The following ST6GALNAC3 variants were observed in gnomAD, a reference collection of about 807,000 sequenced individuals.
The protein encoded by ST6GALNAC3 is ST6 N-acetylgalactosaminide alpha-2,6-sialyltransferase 3.
Under a neutral mutation model 32.7 loss-of-function variants are expected in ST6GALNAC3, and 25 were observed. The ratio of observed to expected loss-of-function variants is 0.76; its 90% CI spans 0.56 to 1.07. ST6GALNAC3 has a LOEUF of 1.07. Ranked by LOEUF, ST6GALNAC3 falls within the 50% of genes least tolerant of loss-of-function variation. ST6GALNAC3 has a pLI of 0.00. For synonymous variants in ST6GALNAC3, 129 were observed against 133.1 expected (o/e 0.97, Z 0.21); for missense variants, 355 against 382.4 (o/e 0.93, Z 0.60).
chr1:76,169,918 C>T (rs1359415848), intron 1 of ST6GALNAC3, among the ~76,000 whole-genome samples: 1 of 152,134 alleles, frequency 6.6e-6, no homozygotes, highest in Non-Finnish European at 1.5e-5. Flanking sequence ...AATGAAAGCA[C>T]ACTGACTTTT....
chr1:76,201,398 A>G (rs1267323109), intron 1 of ST6GALNAC3, among the ~76,000 whole-genome samples: 1 of 152,200 alleles, frequency 6.6e-6, no homozygotes. Flanking sequence ...AGCATGGGAA[A>G]AATCCACCCC....
At chr1:76,573,183 G>T (rs184424235) in intron 3 of ST6GALNAC3, among the ~76,000 whole-genome samples, 1 of 152,040 alleles carries the variant, frequency 6.6e-6, no homozygotes, top group Non-Finnish European at 1.5e-5. Context: ...CATGCAAGGC[G>T]ACTGCTGATT....
At chr1:76,196,070 A>G (rs897280451) in intron 1 of ST6GALNAC3, among the ~76,000 whole-genome samples, 3 of 152,228 alleles carry the variant, frequency 2.0e-5, no homozygotes, top group African/African-American at 7.2e-5. Context: ...AAGTGGGAAT[A>G]TAAGAGTATT....
At chr1:76,319,251 G>A (rs1274742888) in intron 2 of ST6GALNAC3, among the ~76,000 whole-genome samples, 1 of 152,060 alleles carries the variant, frequency 6.6e-6, no homozygotes, top group South Asian at 2.1e-4. Flanking sequence ...AAGTGGAGAG[G>A]TGCAAGATTG....
intron 3 of ST6GALNAC3, among the ~76,000 whole-genome samples, chr1:76,520,975 C>CTT (rs66700462): frequency 1.3e-5 from 2 of 151,840 alleles, no homozygotes; most frequent in Admixed American, 1.3e-4. Context: ...CCTACCTGAT[C>CTT]TTTTTTAAAT....
At chr1:76,543,421 T>A (rs889320476) in intron 3 of ST6GALNAC3, among the ~76,000 whole-genome samples, 1 of 152,250 alleles carries the variant, frequency 6.6e-6, no homozygotes, top group Admixed American at 6.5e-5. Flanking sequence ...ATTGGGATAC[T>A]GTAGAGCCAG....
At chr1:76,312,162 AAAAC>A (rs35370534) in intron 1 of ST6GALNAC3, among the ~76,000 whole-genome samples, 64,271 of 151,700 alleles carry the variant, frequency 0.42, 13,837 homozygotes, top group Non-Finnish European at 0.45. Context: ...AAACCTGACA[AAAAC>A]AAACAATGGG....
chr1:76,109,639 GC>G (rs1169847144), intron 1 of ST6GALNAC3, among the ~76,000 whole-genome samples: 1 of 152,248 alleles, frequency 6.6e-6, no homozygotes, highest in East Asian at 1.9e-4. Flanking sequence ...CTGTTCTCAG[GC>G]TGAGCAGAGA....
At chr1:76,389,052 C>T (rs1252695970) in intron 2 of ST6GALNAC3, among the ~76,000 whole-genome samples, 1 of 137,614 alleles carries the variant, frequency 7.3e-6, no homozygotes, top group East Asian at 2.3e-4. Flanking sequence ...CCTCAGTAAC[C>T]TAGGCTGGGG....
chr1:76,609,409 A>G (rs1221282327), intron 3 of ST6GALNAC3, among the ~76,000 whole-genome samples: 2 of 152,202 alleles, frequency 1.3e-5, no homozygotes, highest in Admixed American at 1.3e-4. Flanking sequence ...TTAGGTGTTA[A>G]AGAAATATCC....
chr1:76,405,741 A>C (rs1046283286), intron 2 of ST6GALNAC3, among the ~76,000 whole-genome samples: 2 of 151,642 alleles, frequency 1.3e-5, no homozygotes, highest in African/African-American at 4.8e-5. Context: ...AGGGTGAATA[A>C]CCTGTCAGTT....
At chr1:76,172,983 G>A (rs1029292763) in intron 1 of ST6GALNAC3, among the ~76,000 whole-genome samples, 5 of 152,000 alleles carry the variant, frequency 3.3e-5, no homozygotes, top group South Asian at 2.1e-4. Context: ...TAGAAAAATC[G>A]ATTTTAAATT....
At chr1:76,120,017 T>A (rs1290482282) in intron 1 of ST6GALNAC3, among the ~76,000 whole-genome samples, 1 of 152,264 alleles carries the variant, frequency 6.6e-6, no homozygotes, top group Non-Finnish European at 1.5e-5. Context: ...GCCTGGCCTC[T>A]GCCAGTGGTC....
intron 1 of ST6GALNAC3, among the ~76,000 whole-genome samples, chr1:76,267,089 C>G (rs1161045185): frequency 6.6e-6 from 1 of 152,214 alleles, no homozygotes; most frequent in Non-Finnish European, 1.5e-5. Flanking sequence ...TATCCCACCT[C>G]CCTTCCAGAC....
At chr1:76,553,304 G>A (rs987484438) in intron 3 of ST6GALNAC3, among the ~76,000 whole-genome samples, 3 of 152,032 alleles carry the variant, frequency 2.0e-5, no homozygotes. Flanking sequence ...ATGAACAGTG[G>A]GAGATGAGGA....
intron 1 of ST6GALNAC3, among the ~76,000 whole-genome samples, chr1:76,305,577 T>C (rs1003436248): frequency 6.6e-6 from 1 of 152,082 alleles, no homozygotes; most frequent in South Asian, 2.1e-4. Context: ...GTAAAGACTC[T>C]TTCGGGAAAG....
intron 1 of ST6GALNAC3, among the ~76,000 whole-genome samples, chr1:76,229,834 A>C (rs1570511436): frequency 6.6e-6 from 1 of 152,202 alleles, no homozygotes; most frequent in Admixed American, 6.5e-5. Context: ...CAACGCATGC[A>C]TTAGGTATTA....
intron 3 of ST6GALNAC3, among the ~76,000 whole-genome samples, chr1:76,560,981 T>C (rs1002706004): frequency 1.3e-5 from 2 of 152,098 alleles, no homozygotes; most frequent in African/African-American, 4.8e-5. Flanking sequence ...ATAAAGAAAA[T>C]CTGGTACTTA....
At chr1:76,372,229 C>T (rs961678438) in intron 2 of ST6GALNAC3, among the ~76,000 whole-genome samples, 2 of 151,930 alleles carry the variant, frequency 1.3e-5, no homozygotes, top group African/African-American at 2.4e-5. Flanking sequence ...CCTGGGCAGA[C>T]GGTACTGAAA....
Sources: allele counts gnomAD v4.1 joint callset (sites outside exome capture counted in the v4.1 genomes callset), GRCh38; gene constraint gnomAD v4.1.1; transcripts MANE v1.5; gene names NCBI Gene and HGNC (gene_info 2026-07-23, HGNC 2026-07-21).